HEATR6: variants seen among roughly 807,000 people sequenced by gnomAD.
The protein encoded by HEATR6 is HEAT repeat-containing protein 6.
In HEATR6, 106 loss-of-function variants were observed where a neutral mutation model predicts 132.8. The ratio of observed to expected loss-of-function variants is 0.80; its 90% CI spans 0.68 to 0.94. HEATR6 has a LOEUF of 0.94. Among genes scored for constraint, HEATR6 ranks in the 40% least tolerant of loss-of-function variants. The pLI, the probability that HEATR6 is intolerant of heterozygous loss-of-function variation, is 0.00. For missense variants in HEATR6, 1,339 were observed against 1,425.1 expected, an observed-to-expected ratio of 0.94 and a Z score of 0.97; for synonymous variants, 529 against 537.8, an observed-to-expected ratio of 0.98 and a Z score of 0.23.
At position 60,048,381 on chromosome 17, in the gene HEATR6, A is replaced by G. The variant is rs780570753; in HGVS notation, c.2555T>C (p.Ile852Thr). 3 of 1,611,786 alleles carry G rather than the reference A, an allele frequency of 1.9e-6. No homozygotes were observed. Among genetic ancestry groups the G allele is most frequent in the Non-Finnish European group, 2.5e-6 (3 of 1,178,326 alleles). Reference sequence around the variant, plus strand: ...TGCATTTGCTGCGTCTGCAACAAATATGACATCCTGTAACACAAAACAAAA... The same window carrying G: ...TGCATTTGCTGCGTCTGCAACAAATGTGACATCCTGTAACACAAAACAAAA... ...VLFPCLRQDV[I>T]FVADAANAIL... Residue 852 changes from isoleucine to threonine, a missense_variant, in exon 17 of 20, where the codon ATA (isoleucine) becomes ACA (threonine). Ile to Thr is a moderately conservative substitution (Grantham distance 89, BLOSUM62 -1). Transcript: ENST00000184956.
At position 60,073,837 on chromosome 17, in the gene HEATR6, G is replaced by A. The variant is rs767710133; in HGVS notation, c.377C>T (p.Ser126Leu). 8.1e-6 allele frequency: 13 copies of A among 1,613,832 alleles called. No homozygotes were observed. Among genetic ancestry groups the A allele is most frequent in the African/African-American group, 5.3e-5 (4 of 74,914 alleles). The change falls in exon 3 of 20, where the codon TCG (serine) becomes TTG (leucine). Residue 126 changes from serine to leucine, a missense_variant. Ser to Leu is a moderately radical substitution (Grantham distance 145). Transcript: ENST00000184956. ...HLDFLLAYTI[S>L]AIHQCSSWTH... The stretch of plus-strand genomic sequence containing the variant: ...CCAGGAACTACACTGATGAATAGCC[G>A]AAATAGTATATGCCAACAGGAAATC...
In HEATR6 at chr17:60,067,417, T is replaced by C; in HGVS notation, c.1238+17A>G. 2.0e-6 allele frequency: 3 copies of C among 1,501,848 alleles called. No individual in the cohort carries two copies. The highest frequency in any genetic ancestry group is 2.7e-6 in the Non-Finnish European group (3 of 1,126,132). 93.0% of individuals were successfully genotyped at this position (1,501,848 alleles called of 1,614,324 possible). On this transcript the variant is annotated intron_variant, in intron 8 of 19. Transcript: ENST00000184956. ...ACTTAGAATACAAGGTATAAAAATG[T>C]AACAAAATACTACTACCTCATTTTA...
chr17:60,067,343 C>T, intron 8 of HEATR6, 91 bp downstream of exon 8: 1 of 818,700 alleles, frequency 1.2e-6, no homozygotes, highest in South Asian at 2.3e-5. Context: ...TCAGGCTCTT[C>T]AAGTTAAATC....
chr17:60,048,461 T>G, intron 16 of HEATR6, 73 bp from the exon 17 acceptor site: 1 of 1,451,800 alleles, frequency 6.9e-7, no homozygotes, highest in Non-Finnish European at 9.3e-7. Context: ...TCACTTATTT[T>G]CAGATAAAGC....
At chr17:60,058,476 G>C (rs1219644775) in intron 11 of HEATR6, among the ~76,000 whole-genome samples, 1 of 152,186 alleles carries the variant, frequency 6.6e-6, no homozygotes, top group African/African-American at 2.4e-5. Flanking sequence ...TGGTACAGTG[G>C]AATGAGCAGG....
chr17:60,059,455 A>G lies in HEATR6; in HGVS notation c.1690T>C (p.Trp564Arg). 6.2e-7 allele frequency: 1 copy of G among 1,613,760 alleles called. No individual in the cohort carries two copies. Among genetic ancestry groups the G allele is most frequent in the Non-Finnish European group, 8.5e-7 (1 of 1,179,784 alleles). ...CGAATATAAGGCTTTATCTGGTTCCAGACTTTGGTCAGCAGGCTGAGTTTT... is the reference window on the plus strand; with the variant it reads ...CGAATATAAGGCTTTATCTGGTTCCGGACTTTGGTCAGCAGGCTGAGTTTT... ...RLKLSLLTKV[W>R]NQIKPYIRHK... The change falls in exon 11 of 20, where the codon TGG (tryptophan) becomes CGG (arginine). Residue 564 changes from tryptophan (W) to arginine (R), a missense_variant. Physicochemically the swap from Trp to Arg is moderately radical, Grantham distance 101. Transcript: ENST00000184956.
chr17:60,048,937 T>C, intron 16 of HEATR6, among the ~76,000 whole-genome samples: 1 of 143,428 alleles, frequency 7.0e-6, no homozygotes, highest in Admixed American at 7.0e-5. Context: ...GGTCCCAGGC[T>C]GTGTGCTAAG....
At chr17:60,067,922 A>C (rs1238317167) in intron 7 of HEATR6, among the ~76,000 whole-genome samples, 190 bp from the exon 8 acceptor site, 1 of 152,248 alleles carries the variant, frequency 6.6e-6, no homozygotes, top group Non-Finnish European at 1.5e-5. Flanking sequence ...CTAAGTGCTT[A>C]CTGTCTACTA....
intron 5 of HEATR6, among the ~76,000 whole-genome samples, chr17:60,071,722 T>C (rs2083270561): frequency 6.6e-6 from 1 of 152,008 alleles, no homozygotes; most frequent in Non-Finnish European, 1.5e-5. Context: ...CATTTACATA[T>C]AGAAAAAAAA....
rs1336149959 is a variant in HEATR6, at chr17:60,076,167, A to C, written c.290T>G (p.Val97Gly). 1 of 1,612,144 alleles carries C rather than the reference A, an allele frequency of 6.2e-7. No individual in the cohort carries two copies. The highest frequency in any genetic ancestry group is 8.5e-7 in the Non-Finnish European group (1 of 1,179,206). Residue 97 changes from valine to glycine, a missense_variant, in exon 2 of 20, where the codon GTG becomes GGG. By Grantham distance (109) the Val-to-Gly change is moderately radical. Coordinates refer to ENST00000184956, the MANE Select transcript of HEATR6 (RefSeq NM_022070.5). ...PLNQNHLVSK[V>G]SQLIHHLLNR... ...AAGTAAATGGTGGATAAGCTGGCTC[A>C]CTTTGCTGACAAGATGATTCTGATT...
chr17:60,073,956 G>A, intron 2 of HEATR6, 70 bp from the exon 3 acceptor site: 4 of 1,549,532 alleles, frequency 2.6e-6, no homozygotes, highest in Non-Finnish European at 3.5e-6. Context: ...GGACATGTAT[G>A]CTCACCTGAA....
chr17:60,057,698 A>C lies in HEATR6; in HGVS notation c.1724-295T>G, dbSNP rs73994282. 4.3e-3 allele frequency among the ~76,000 whole-genome samples: 649 copies of C among 152,334 alleles called. 2 individuals carry two copies. The highest frequency in any genetic ancestry group is 0.015 in the African/African-American group (606 of 41,570). On this transcript the variant is annotated intron_variant, in intron 11 of 19. Coordinates refer to ENST00000184956, the MANE Select transcript of HEATR6 (RefSeq NM_022070.5). Reference sequence around the variant, plus strand: ...ATTCTTTCCTAAGTCAGTTTGATATAAAAAAGATGGGTGGGGGGACTCTAC... The same window carrying C: ...ATTCTTTCCTAAGTCAGTTTGATATCAAAAAGATGGGTGGGGGGACTCTAC...
chr17:60,048,472 T>A, intron 16 of HEATR6, 84 bp from the exon 17 acceptor site: 1 of 1,346,468 alleles, frequency 7.4e-7, no homozygotes, highest in Non-Finnish European at 1.0e-6. Flanking sequence ...CAGATAAAGC[T>A]AGAAGCCTTC....
chr17:60,046,683 T>C (rs779133930), intron 18 of HEATR6, among the ~76,000 whole-genome samples: 72 of 152,226 alleles, frequency 4.7e-4, no homozygotes, highest in Non-Finnish European at 3.2e-4. Flanking sequence ...AACCTCAGAA[T>C]TTCTGATTGA....
intron 14 of HEATR6, among the ~76,000 whole-genome samples, chr17:60,054,007 C>CT (rs1340557735): frequency 6.6e-6 from 1 of 152,224 alleles, no homozygotes; most frequent in Non-Finnish European, 1.5e-5. Context: ...ACAGCCAAGA[C>CT]TACGGGAAAA....
At position 60,067,504 on chromosome 17, in the gene HEATR6, T is replaced by G; in HGVS notation, c.1168A>C (p.Ser390Arg). 1.2e-6 allele frequency: 2 copies of G among 1,608,300 alleles called. No individual in the cohort carries two copies. The highest frequency in any genetic ancestry group is 1.7e-6 in the Non-Finnish European group (2 of 1,178,090). The change falls in exon 8 of 20, where the codon AGT becomes CGT. Residue 390 changes from serine to arginine, a missense_variant. Ser to Arg is a moderately radical substitution (Grantham distance 110). Transcript: ENST00000184956. Reference sequence around the variant, plus strand: ...TCACTACTGCTGACCCTTTTCCAACTGGAAGAACTGAAGGATGAGGAGACT... The same window carrying G: ...TCACTACTGCTGACCCTTTTCCAACGGGAAGAACTGAAGGATGAGGAGACT... Reference protein sequence around the residue: ...DGVSSSFSSSSWKRVSSSESD... With the variant: ...DGVSSSFSSSRWKRVSSSESD...
Position 60,078,733 on chromosome 17 carries a change from GA to G in HEATR6, c.181del (p.Ser61ProfsTer37). On this transcript the variant is annotated frameshift_variant, in exon 1 of 20. Transcript: ENST00000184956. LOFTEE classifies it high-confidence loss of function. The stretch of plus-strand genomic sequence containing the variant: ...GCCACTGCCCTCGCTGTAGTTCTCG[GA>G]GATGAGCTGATCGAAGAGCAGGTGG... The part of the protein sequence containing the change: ...EIHLLFDQLI[S>X]ENYSEGSGVA... 1.3e-6 allele frequency: 2 copies of G among 1,554,964 alleles called. No individual in the cohort carries two copies. Among genetic ancestry groups the G allele is most frequent in the Non-Finnish European group, 1.7e-6 (2 of 1,150,748 alleles).
At position 60,057,073 on chromosome 17, in the gene HEATR6, G is replaced by A. The variant is rs1568619845; in HGVS notation, c.2054C>T (p.Ser685Phe). 6.2e-7 allele frequency: 1 copy of A among 1,605,060 alleles called. No homozygotes were observed. The highest frequency in any genetic ancestry group is 1.3e-5 in the African/African-American group (1 of 74,770). ...GSAAGSTYEP[S>F]PMRLEALQVL... The stretch of plus-strand genomic sequence containing the variant: ...CTGTAAGGCCTCCAGTCGCATGGGG[G>A]ATGGTTCGTAGGTGCTTCCTGCTGC... The change falls in exon 12 of 20, where the codon TCC becomes TTC. Residue 685 changes from serine to phenylalanine, a missense_variant. Physicochemically the swap from Ser to Phe is radical, Grantham distance 155. Coordinates refer to ENST00000184956, the MANE Select transcript of HEATR6 (RefSeq NM_022070.5).
chr17:60,049,842 A>T, intron 15 of HEATR6, 140 bp from the exon 16 acceptor site: 1 of 866,846 alleles, frequency 1.2e-6, no homozygotes, highest in Non-Finnish European at 1.7e-6. Context: ...CTACCCTGGT[A>T]AAAAGCAGGT....
Sources: gnomAD v4.1 joint callset for allele counts (sites outside exome capture counted in the v4.1 genomes callset) on GRCh38, gnomAD v4.1.1 for gene constraint, MANE v1.5 for transcripts, NCBI Gene and HGNC (gene_info 2026-07-23, HGNC 2026-07-21) for gene names.